The following SUPV3L1 variants were observed in gnomAD, a reference collection of about 807,000 sequenced individuals.
SUPV3L1 encodes the protein ATP-dependent RNA helicase SUPV3L1, mitochondrial.
SUPV3L1 carries 35 observed loss-of-function variants against 70.0 expected under a neutral mutation model. The observed-to-expected ratio is 0.50, with a 90% CI of 0.38 to 0.66. SUPV3L1 has a LOEUF of 0.66. Ranked by LOEUF, SUPV3L1 falls within the 30% of genes least tolerant of loss-of-function variation. The pLI is 0.00. For synonymous variants in SUPV3L1, 364 were observed against 341.9 expected, an observed-to-expected ratio of 1.06 and a Z score of -0.71; for missense variants, 777 against 961.5, an observed-to-expected ratio of 0.81 and a Z score of 2.54.
Position 69,198,540 on chromosome 10 carries a change from A to G in SUPV3L1, c.1192A>G (p.Ser398Gly). 6.2e-7 allele frequency: 1 copy of G among 1,613,742 alleles called. No individual in the cohort carries two copies. Among genetic ancestry groups the G allele is most frequent in the East Asian group, 2.2e-5 (1 of 44,860 alleles). Residue 398 changes from serine to glycine, a missense_variant, in exon 9 of 15, where the codon AGT (serine) becomes GGT (glycine). This residue lies in a region of SUPV3L1 where 619 missense variants were observed against 823.3 expected (regional missense o/e 0.75). Transcript: ENST00000359655. ...ATTAGAATCAGCTGTTATATATGGC[A>G]GTCTCCCACCTGGTAATTATTGACT... Reference protein sequence around the residue: ...RGLESAVIYGSLPPGTKLAQA... With the variant: ...RGLESAVIYGGLPPGTKLAQA...
Position 69,188,454 on chromosome 10 carries a change from T to A in SUPV3L1, c.572+698T>A, listed in dbSNP as rs190807339. Among the ~76,000 whole-genome samples, 838 of 152,246 alleles carry A rather than the reference T, an allele frequency of 5.5e-3. 9 individuals carry two copies. Among genetic ancestry groups the A allele is most frequent in the South Asian group, 0.027 (128 of 4,824 alleles). ...GTCCTGCACTGCCTTGTGGCCCATG[T>A]CCCCACACATTTATTGCATGTATTT... On this transcript the variant is annotated intron_variant, in intron 4 of 14. Transcript: ENST00000359655.
Position 69,203,059 on chromosome 10 carries a change from T to G in SUPV3L1, c.1776+16T>G, listed in dbSNP as rs1456435001. On this transcript the variant is annotated intron_variant, in intron 13 of 14. Coordinates refer to ENST00000359655, the MANE Select transcript of SUPV3L1 (RefSeq NM_003171.5). Reference sequence around the variant, plus strand: ...ACTGTTACAGGTAAGCCTTTATCTTTAAGCTATTTTGAGTTCCTTCTGGTT... The same window carrying G: ...ACTGTTACAGGTAAGCCTTTATCTTGAAGCTATTTTGAGTTCCTTCTGGTT... 4 of 1,588,262 alleles carry G rather than the reference T, an allele frequency of 2.5e-6. No individual in the cohort carries two copies. In the South Asian group the frequency reaches 4.6e-5, roughly 18 times the overall value.
At chr10:69,185,897 C>T in intron 1 of SUPV3L1, 90 bp from the exon 2 acceptor site, 1 of 914,308 alleles carries the variant, frequency 1.1e-6, no homozygotes, top group Non-Finnish European at 1.8e-6. Flanking sequence ...TAGACTGCTG[C>T]CTTTAGTGTT....
In SUPV3L1 at chr10:69,180,444, T is replaced by A; in HGVS notation, c.153T>A (p.Ser51=). 6.2e-7 allele frequency: 1 copy of A among 1,614,262 alleles called. No individual in the cohort carries two copies. Among genetic ancestry groups the A allele is most frequent in the Non-Finnish European group, 8.5e-7 (1 of 1,180,046 alleles). ...CTGTCCTTGCCACCGCCTCCTCCTC[T>A]GCCTCCGGTGGCTCCAAAATACCAA... ...QVSVLATASS[S]ASGGSKIPNT... is the part of the protein sequence containing the mutation. The change falls in exon 1 of 15, where the codon TCT becomes TCA. Residue 51 remains serine (S), a synonymous_variant. Transcript: ENST00000359655.
Position 69,186,325 on chromosome 10 carries a change from C to CGAA in SUPV3L1, c.350-118_350-117insGAA. ...GATCATAATAAACCAGCTGTACTGC[C>CGAA]AAAAAAAAAAAAAAAAAAAGAAAAA... On this transcript the variant is annotated intron_variant, in intron 2 of 14. Transcript: ENST00000359655. 7 of 397,776 alleles carry CGAA rather than the reference C, an allele frequency of 1.8e-5. No homozygotes were observed. In the Admixed American group the frequency reaches 4.2e-4, roughly 24 times the overall value. The allele number at this position is 397,776 out of a possible 1,614,324, so 24.6% of individuals were successfully genotyped here. A position where few individuals can be genotyped will look rare whatever the true frequency, so the allele number is the denominator to read the frequency against.
At chr10:69,191,910 G>T (rs947939030) in intron 6 of SUPV3L1, 144 bp downstream of exon 6, 1 of 530,344 alleles carries the variant, frequency 1.9e-6, no homozygotes, top group East Asian at 3.2e-5. Flanking sequence ...CAGTTCAAGC[G>T]ATTCTCCTGC....
chr10:69,197,796 A>G (rs1359522250), intron 8 of SUPV3L1, among the ~76,000 whole-genome samples: 1 of 152,152 alleles, frequency 6.6e-6, no homozygotes, highest in Admixed American at 6.5e-5. Flanking sequence ...CTCGAACTCC[A>G]GTGCTCAAGC....
At position 69,180,433 on chromosome 10, in the gene SUPV3L1, G is replaced by GCCT; in HGVS notation, c.150_152dup (p.Ser51dup). On this transcript the variant is annotated inframe_insertion, in exon 1 of 15. Coordinates refer to ENST00000359655, the MANE Select transcript of SUPV3L1 (RefSeq NM_003171.5). ...GGGGCAAGTTTCTGTCCTTGCCACC[G>GCCT]CCTCCTCCTCTGCCTCCGGTGGCTC... The GCCT allele has an allele frequency of 6.2e-7, 1 of 1,614,208 alleles. No homozygotes were observed. Among genetic ancestry groups the GCCT allele is most frequent in the Non-Finnish European group, 8.5e-7 (1 of 1,180,034 alleles).
chr10:69,180,424 C>G lies in SUPV3L1; in HGVS notation c.133C>G (p.Leu45Val), dbSNP rs750689263. The G allele has an allele frequency of 1.2e-6, 2 of 1,614,132 alleles. No individual in the cohort carries two copies. Among genetic ancestry groups the G allele is most frequent in the Non-Finnish European group, 1.7e-6 (2 of 1,180,056 alleles). Residue 45 changes from leucine to valine, a missense_variant, in exon 1 of 15, where the codon CTT (leucine) becomes GTT (valine). Around this residue, in one of 2 missense-constraint regions of SUPV3L1, gnomAD observed 158 missense variants for 138.3 expected, o/e 1.14. Transcript: ENST00000359655. ...CGGGGTTCTGGGGCAAGTTTCTGTCCTTGCCACCGCCTCCTCCTCTGCCTC... is the reference window on the plus strand; with the variant it reads ...CGGGGTTCTGGGGCAAGTTTCTGTCGTTGCCACCGCCTCCTCCTCTGCCTC... ...FPGVLGQVSV[L>V]ATASSSASGG...
Position 69,207,959 on chromosome 10 carries a change from T to C in SUPV3L1, c.1925+18T>C, listed in dbSNP as rs747124935. On this transcript the variant is annotated intron_variant, in intron 14 of 14. Transcript: ENST00000359655. Reference sequence around the variant, plus strand: ...TGGCTAAGGTACCAACATTTTTCCTTTATGTGCTCTCATTTTTCTAGTAGG... The same window carrying C: ...TGGCTAAGGTACCAACATTTTTCCTCTATGTGCTCTCATTTTTCTAGTAGG... 3 of 1,606,634 alleles carry C rather than the reference T, an allele frequency of 1.9e-6. No individual in the cohort carries two copies. Among genetic ancestry groups the C allele is most frequent in the Admixed American group, 3.5e-5 (2 of 57,792 alleles).
rs371797922 is a variant in SUPV3L1, at chr10:69,199,151, T to A, written c.1252T>A (p.Cys418Ser). ...AKKFNDPNDP[C>S]KILVATDAIG... ...AAAGTTTAATGATCCCAATGACCCA[T>A]GCAAAATCTTGGTTGCTACAGATGC... The change falls in exon 10 of 15, where the codon TGC (cysteine) becomes AGC (serine). Residue 418 changes from cysteine (C) to serine (S), a missense_variant. Transcript: ENST00000359655. The A allele has an allele frequency of 1.2e-6, 2 of 1,612,770 alleles. No individual in the cohort carries two copies. The highest frequency in any genetic ancestry group is 1.7e-6 in the Non-Finnish European group (2 of 1,179,670).
At chr10:69,193,989 A>G (rs1027068788) in intron 6 of SUPV3L1, among the ~76,000 whole-genome samples, 4 of 152,130 alleles carry the variant, frequency 2.6e-5, no homozygotes, top group Non-Finnish European at 4.4e-5. Flanking sequence ...CTTCCACTTC[A>G]CTTTCTGCTC....
intron 3 of SUPV3L1, among the ~76,000 whole-genome samples, chr10:69,186,951 A>G (rs1425961379): frequency 1.3e-5 from 2 of 152,050 alleles, no homozygotes; most frequent in Non-Finnish European, 2.9e-5. Flanking sequence ...GGCTTTGGTT[A>G]TGTATTTGAC....
Position 69,200,385 on chromosome 10 carries a change from T to C in SUPV3L1, c.1404T>C (p.Ala468=), listed in dbSNP as rs1842654012. The change falls in exon 11 of 15, where the codon GCT becomes GCC. Residue 468 remains alanine (A), a synonymous_variant. Coordinates refer to ENST00000359655, the MANE Select transcript of SUPV3L1 (RefSeq NM_003171.5). ...CAACCTCTCAAGCCCTGCAGATTGCTGGCAGAGCTGGCAGATTCAGCTCAC... is the reference window on the plus strand; with the variant it reads ...CAACCTCTCAAGCCCTGCAGATTGCCGGCAGAGCTGGCAGATTCAGCTCAC... ...PITTSQALQI[A]GRAGRFSSRF... The C allele has an allele frequency of 6.2e-7, 1 of 1,614,014 alleles. No homozygotes were observed. Among genetic ancestry groups the C allele is most frequent in the Non-Finnish European group, 8.5e-7 (1 of 1,180,014 alleles).
At chr10:69,190,424 A>G (rs990103123) in intron 5 of SUPV3L1, among the ~76,000 whole-genome samples, 1 of 114,678 alleles carries the variant, frequency 8.7e-6, no homozygotes, top group African/African-American at 2.7e-5. Flanking sequence ...GGTAATTTGC[A>G]TTCTCTTTTT....
Position 69,191,708 on chromosome 10 carries a change from T to C in SUPV3L1, c.795T>C (p.Asn265=). Residue 265 remains asparagine, a synonymous_variant, in exon 6 of 15, where the codon AAT becomes AAC. Coordinates refer to ENST00000359655, the MANE Select transcript of SUPV3L1 (RefSeq NM_003171.5). ...AAGAGCGTGTGACAGTTCAGCCAAA[T>C]GGGAAACAGGCTTCACATGTTTCTT... is the stretch of plus-strand genomic sequence containing the variant. ...TGEERVTVQP[N]GKQASHVSCT... is the part of the protein sequence containing the mutation. 1.2e-6 allele frequency: 2 copies of C among 1,614,094 alleles called. No individual in the cohort carries two copies. Among genetic ancestry groups the C allele is most frequent in the South Asian group, 1.1e-5 (1 of 91,088 alleles).
intron 13 of SUPV3L1, 71 bp downstream of exon 13, chr10:69,203,114 A>G: frequency 6.9e-7 from 1 of 1,451,710 alleles, no homozygotes; most frequent in Non-Finnish European, 9.3e-7. Context: ...GTACTTTGTT[A>G]TTCAAAATAA....
At chr10:69,206,744 C>T (rs1395898616) in intron 13 of SUPV3L1, among the ~76,000 whole-genome samples, 5 of 152,166 alleles carry the variant, frequency 3.3e-5, no homozygotes, top group African/African-American at 1.2e-4. Context: ...TGCGGTGGCT[C>T]ACGCCTGTAA....
chr10:69,189,190 A>G (rs1197976582), intron 4 of SUPV3L1, 77 bp from the exon 5 acceptor site: 1 of 1,454,364 alleles, frequency 6.9e-7, no homozygotes, highest in Non-Finnish European at 9.3e-7. Context: ...TTCATTTGGA[A>G]TTTGTTTCAT....
Sources: gnomAD v4.1 joint callset for allele counts (sites outside exome capture counted in the v4.1 genomes callset) on GRCh38, gnomAD v4.1.1 for gene constraint, gnomAD v4.1.1 regional missense constraint, MANE v1.5 for transcripts, NCBI Gene and HGNC (gene_info 2026-07-23, HGNC 2026-07-21) for gene names.